ANO6: variants seen among roughly 807,000 people sequenced by gnomAD.
ANO6 encodes the protein anoctamin 6.
In ANO6, 106 loss-of-function variants were observed where a neutral mutation model predicts 117.5. That is an observed-to-expected ratio of 0.90 (90% CI 0.77 to 1.06). The LOEUF (loss-of-function observed/expected upper bound fraction) is 1.06, where lower values mean the gene tolerates loss of function less well. ANO6 is among the 50% of genes least tolerant of loss of function. The pLI, the probability that ANO6 is intolerant of heterozygous loss-of-function variation, is 0.00. For missense variants in ANO6, 955 were observed against 1,121.1 expected (o/e 0.85, Z 2.12); for synonymous variants, 367 against 385.1 (o/e 0.95, Z 0.55).
At chr12:45,256,057 C>T (rs1937813397) in intron 1 of ANO6, among the ~76,000 whole-genome samples, 1 of 152,002 alleles carries the variant, frequency 6.6e-6, no homozygotes, top group Non-Finnish European at 1.5e-5. Flanking sequence ...CTCCTGACCT[C>T]AGGTGATCCG....
At chr12:45,331,194 C>A in intron 2 of ANO6, 101 bp from the exon 3 acceptor site, 1 of 1,076,950 alleles carries the variant, frequency 9.3e-7, no homozygotes, top group Non-Finnish European at 1.3e-6. Flanking sequence ...GGATGTATTT[C>A]TCTTTCACAA....
At chr12:45,412,284 G>C (rs553755014) in intron 16 of ANO6, among the ~76,000 whole-genome samples, 4 of 152,288 alleles carry the variant, frequency 2.6e-5, no homozygotes, top group African/African-American at 9.6e-5. Context: ...AGGCCTTCCT[G>C]GTGGGCAAGT....
chr12:45,274,087 T>C (rs1268910078), intron 1 of ANO6, among the ~76,000 whole-genome samples: 1 of 152,206 alleles, frequency 6.6e-6, no homozygotes, highest in Non-Finnish European at 1.5e-5. Flanking sequence ...TCTCTCCTGC[T>C]GGATCCTTCT....
intron 2 of ANO6, among the ~76,000 whole-genome samples, chr12:45,325,800 G>T (rs1206531256): frequency 2.6e-5 from 4 of 152,124 alleles, no homozygotes; most frequent in African/African-American, 9.7e-5. Flanking sequence ...TATATATTTA[G>T]TCATGCTAAT....
At chr12:45,439,197 C>G (rs1353503882) in intron 19 of ANO6, among the ~76,000 whole-genome samples, 2 of 152,180 alleles carry the variant, frequency 1.3e-5, no homozygotes, top group Non-Finnish European at 2.9e-5. Flanking sequence ...CACCAGCCCA[C>G]CACTGAAGTG....
At chr12:45,276,210 T>C (rs978371794) in intron 1 of ANO6, among the ~76,000 whole-genome samples, 5 of 152,212 alleles carry the variant, frequency 3.3e-5, no homozygotes, top group Non-Finnish European at 5.9e-5. Context: ...TCAAAATGAT[T>C]TTGAGTATCT....
chr12:45,384,729 G>A (rs1316342451), intron 10 of ANO6, among the ~76,000 whole-genome samples: 7 of 152,072 alleles, frequency 4.6e-5, no homozygotes, highest in Admixed American at 3.9e-4. Flanking sequence ...ACTTATCACA[G>A]ACCACTATAA....
At position 45,421,145 on chromosome 12, in the gene ANO6, C is replaced by T. The variant is rs758119267; in HGVS notation, c.2292C>T (p.Tyr764=). Residue 764 remains tyrosine (Y), a synonymous_variant, in exon 18 of 20, where the codon TAC becomes TAT. Coordinates refer to ENST00000320560, the MANE Select transcript of ANO6 (RefSeq NM_001025356.3). ...VYYWSFSVPP[Y]GDHTSYTMEG... ...ACTGGTCCTTCTCCGTCCCTCCCTA[C>T]GGGGACCACACTTCCTACACCATGG... is the stretch of plus-strand genomic sequence containing the variant. 12 of 1,613,976 alleles carry T rather than the reference C, an allele frequency of 7.4e-6. No homozygotes were observed. The highest frequency in any genetic ancestry group is 6.7e-5 in the East Asian group (3 of 44,882).
intron 16 of ANO6, among the ~76,000 whole-genome samples, chr12:45,411,915 G>A (rs1457170857): frequency 3.3e-5 from 5 of 152,044 alleles, no homozygotes; most frequent in East Asian, 3.8e-4. Flanking sequence ...CTGCTAGAGC[G>A]CCAGTGCCTG....
intron 2 of ANO6, among the ~76,000 whole-genome samples, chr12:45,303,761 C>T (rs917899694): frequency 6.6e-5 from 10 of 152,156 alleles, no homozygotes; most frequent in South Asian, 6.2e-4. Flanking sequence ...GGTGGAACTC[C>T]GGGCTCACAG....
intron 1 of ANO6, among the ~76,000 whole-genome samples, chr12:45,269,308 G>A (rs1319181767): frequency 6.6e-6 from 1 of 152,140 alleles, no homozygotes; most frequent in Non-Finnish European, 1.5e-5. Context: ...CCACATGGGG[G>A]CAGTGCTTTA....
At chr12:45,280,885 G>T (rs527740940) in intron 1 of ANO6, among the ~76,000 whole-genome samples, 114 of 151,866 alleles carry the variant, frequency 7.5e-4, no homozygotes, top group Middle Eastern at 3.4e-3. Context: ...TATATAGAGA[G>T]AGAGAGAGAG....
chr12:45,382,218 G>T (rs992059029), intron 10 of ANO6, among the ~76,000 whole-genome samples: 1 of 152,120 alleles, frequency 6.6e-6, no homozygotes, highest in African/African-American at 2.4e-5. Context: ...ATGAGAATGG[G>T]TTAGAAAATG....
At chr12:45,288,874 A>C (rs1431406002) in intron 1 of ANO6, among the ~76,000 whole-genome samples, 1 of 151,604 alleles carries the variant, frequency 6.6e-6, no homozygotes, top group East Asian at 1.9e-4. Context: ...CAGCCTCCCG[A>C]GTAGCTGGGA....
At chr12:45,418,320 A>G (rs949919954) in intron 17 of ANO6, among the ~76,000 whole-genome samples, 47 of 152,206 alleles carry the variant, frequency 3.1e-4, no homozygotes, top group African/African-American at 1.1e-3. Context: ...TGCAAATCGC[A>G]CACAAAAACC....
chr12:45,383,013 CTG>C (rs764879602), intron 10 of ANO6, among the ~76,000 whole-genome samples: 3 of 152,152 alleles, frequency 2.0e-5, no homozygotes, highest in African/African-American at 7.2e-5. Flanking sequence ...GCATGTGATA[CTG>C]TGTGGTAGCA....
intron 10 of ANO6, among the ~76,000 whole-genome samples, chr12:45,381,531 A>G (rs1055527015): frequency 6.6e-6 from 1 of 152,198 alleles, no homozygotes; most frequent in African/African-American, 2.4e-5. Flanking sequence ...GGCGTGGCCC[A>G]GGAGTACTCC....
intron 12 of ANO6, among the ~76,000 whole-genome samples, chr12:45,399,875 A>G (rs371285754): frequency 6.6e-6 from 1 of 152,220 alleles, no homozygotes. Context: ...TTAATGTTAG[A>G]ATCAGAAATA....
At chr12:45,317,113 G>GTGTGTGTGTATATACA in intron 2 of ANO6, among the ~76,000 whole-genome samples, 1 of 66,446 alleles carries the variant, frequency 1.5e-5, no homozygotes, top group Non-Finnish European at 3.7e-5. Flanking sequence ...CTTTTTATAT[G>GTGTGTGTGTATATACA]TATATATATA....
Sources: gnomAD v4.1 joint callset for allele counts (sites outside exome capture counted in the v4.1 genomes callset) on GRCh38, gnomAD v4.1.1 for gene constraint, MANE v1.5 for transcripts, NCBI Gene and HGNC (gene_info 2026-07-23, HGNC 2026-07-21) for gene names.